Variants in KPNA7 observed in about 807,000 individuals in gnomAD.
The protein encoded by KPNA7 is importin subunit alpha-8.
Under a neutral mutation model 53.7 loss-of-function variants are expected in KPNA7, and 54 were observed. The observed-to-expected ratio is 1.01, with a 90% CI of 0.81 to 1.26. The LOEUF (loss-of-function observed/expected upper bound fraction) is 1.26, where lower values mean the gene tolerates loss of function less well. Among genes scored for constraint, KPNA7 ranks in the 50% most tolerant of loss-of-function variants. KPNA7 has a pLI of 0.00. For missense variants in KPNA7, 640 were observed against 644.5 expected, an observed-to-expected ratio of 0.99 and a Z score of 0.07; for synonymous variants, 276 against 259.3, an observed-to-expected ratio of 1.06 and a Z score of -0.62.
upstream of KPNA7, among the ~76,000 whole-genome samples, chr7:99,212,184 G>A (rs1791089721): frequency 2.0e-5 from 3 of 148,928 alleles, no homozygotes; most frequent in Admixed American, 1.3e-4. Context: ...GACAGCCTCA[G>A]CACTGGGAGA....
the KPNA7 span, among the ~76,000 whole-genome samples, chr7:99,166,769 G>A: frequency 6.6e-6 from 1 of 151,702 alleles, no homozygotes; most frequent in African/African-American, 2.4e-5. Flanking sequence ...ACAGGCATGT[G>A]CCACCACGCC....
the KPNA7 span, among the ~76,000 whole-genome samples, chr7:99,160,227 C>T: frequency 2.0e-5 from 3 of 151,792 alleles, no homozygotes; most frequent in African/African-American, 7.3e-5. Context: ...GGGGTTTCAC[C>T]GTGTTAGCCA....
intron 10 of KPNA7, among the ~76,000 whole-genome samples, chr7:99,177,140 T>C (rs1798934045): frequency 6.6e-6 from 1 of 152,142 alleles, no homozygotes; most frequent in Non-Finnish European, 1.5e-5. Context: ...ACAAATACTG[T>C]ACAATTCCAC....
chr7:99,214,903 G>A (rs1340141052), intron 1 of KPNA7, among the ~76,000 whole-genome samples: 2 of 152,010 alleles, frequency 1.3e-5, no homozygotes, highest in African/African-American at 2.4e-5. Flanking sequence ...TTGTTGCTAC[G>A]CTTCACATGT....
chr7:99,177,749 G>A (rs991370229), intron 10 of KPNA7, among the ~76,000 whole-genome samples, 171 bp downstream of exon 10: 2 of 151,896 alleles, frequency 1.3e-5, no homozygotes, highest in African/African-American at 2.4e-5. Flanking sequence ...AAGATGACCC[G>A]ATACAGCAGG....
upstream of KPNA7, among the ~76,000 whole-genome samples, chr7:99,209,682 C>CAAAAAAAA (rs60377276): frequency 5.6e-4 from 41 of 73,532 alleles, no homozygotes; most frequent in Non-Finnish European, 7.7e-4. Context: ...GACTCCAACT[C>CAAAAAAAA]AAAAAAAAAA....
chr7:99,186,405 G>A (rs1789593600), intron 7 of KPNA7, among the ~76,000 whole-genome samples: 1 of 152,152 alleles, frequency 6.6e-6, no homozygotes, highest in Admixed American at 6.6e-5. Flanking sequence ...AGGTAGAAGT[G>A]TACTTCAGGC....
intron 1 of KPNA7, among the ~76,000 whole-genome samples, chr7:99,213,842 C>CA (rs1791136275): frequency 6.6e-6 from 1 of 152,082 alleles, no homozygotes; most frequent in Admixed American, 6.6e-5. Context: ...CTCCTGACCT[C>CA]AAGTGATCCT....
chr7:99,207,793 G>A (rs1051803086), intron 1 of KPNA7, among the ~76,000 whole-genome samples: 12 of 150,336 alleles, frequency 8.0e-5, no homozygotes, highest in Non-Finnish European at 1.3e-4. Flanking sequence ...CTGCCACCAC[G>A]CCCGGCTAAT....
intron 1 of KPNA7, among the ~76,000 whole-genome samples, chr7:99,215,407 A>G (rs948900046): frequency 2.9e-5 from 4 of 135,792 alleles, no homozygotes; most frequent in Admixed American, 7.7e-5. Flanking sequence ...GGCATTTGCC[A>G]CCTTCCTTCA....
chr7:99,162,512 C>G, the KPNA7 span, among the ~76,000 whole-genome samples: 1 of 152,186 alleles, frequency 6.6e-6, no homozygotes. Context: ...CAGGTGGGCA[C>G]CCAGCCAGAA....
the KPNA7 span, among the ~76,000 whole-genome samples, chr7:99,166,297 CCTA>C: frequency 2.6e-5 from 4 of 152,238 alleles, no homozygotes; most frequent in South Asian, 6.2e-4. Flanking sequence ...CTGCCTAGCA[CCTA>C]CTATGTTTCT....
At chr7:99,152,395 A>G in the KPNA7 span, among the ~76,000 whole-genome samples, 10 of 148,532 alleles carry the variant, frequency 6.7e-5, no homozygotes, top group East Asian at 2.0e-3. Context: ...AAAGAAAAAG[A>G]AAAAAAAAAG....
At chr7:99,152,364 A>G in the KPNA7 span, among the ~76,000 whole-genome samples, 1 of 148,502 alleles carries the variant, frequency 6.7e-6, no homozygotes, top group Admixed American at 6.6e-5. Flanking sequence ...TCTCAAAAAA[A>G]AAAAGAAAAA....
At chr7:99,184,527 C>T (rs1392563756) in intron 8 of KPNA7, among the ~76,000 whole-genome samples, 1 of 152,158 alleles carries the variant, frequency 6.6e-6, no homozygotes, top group Non-Finnish European at 1.5e-5. Flanking sequence ...ATCAATTTAA[C>T]TTTGCTTTCC....
chr7:99,162,590 T>G, the KPNA7 span, among the ~76,000 whole-genome samples: 5 of 152,112 alleles, frequency 3.3e-5, no homozygotes, highest in Non-Finnish European at 7.4e-5. Flanking sequence ...TTTTTAAACC[T>G]TGCTAGGCAA....
At chr7:99,154,479 G>C in the KPNA7 span, among the ~76,000 whole-genome samples, 19 of 151,458 alleles carry the variant, frequency 1.3e-4, no homozygotes, top group Non-Finnish European at 2.9e-5. Context: ...CAGAATTTCA[G>C]GTCATTTATC....
chr7:99,182,004 G>A lies in KPNA7; in HGVS notation c.1196C>T (p.Thr399Ile). The stretch of plus-strand genomic sequence containing the variant: ...GACGAGCTGGATCAGCTGATCCATG[G>A]TGGCCCCTGTTGCAAAGTTCGCCAC... ...WMVANFATGA[T>I]MDQLIQLVHS... The change falls in exon 9 of 11, where the codon ACC becomes ATC. Residue 399 changes from threonine to isoleucine, a missense_variant. Transcript: ENST00000327442. The A allele has an allele frequency of 1.3e-6, 2 of 1,549,986 alleles. No homozygotes were observed. Among genetic ancestry groups the A allele is most frequent in the Non-Finnish European group, 1.7e-6 (2 of 1,145,676 alleles).
intron 5 of KPNA7, among the ~76,000 whole-genome samples, chr7:99,194,820 G>C (rs1202887801): frequency 6.6e-6 from 1 of 152,084 alleles, no homozygotes; most frequent in Admixed American, 6.6e-5. Flanking sequence ...GGCCAGGCTG[G>C]TCTTGAACTC....
Sources: gnomAD v4.1 joint callset for allele counts (sites outside exome capture counted in the v4.1 genomes callset) on GRCh38, gnomAD v4.1.1 for gene constraint, MANE v1.5 for transcripts, NCBI Gene and HGNC (gene_info 2026-07-23, HGNC 2026-07-21) for gene names.